Variants in AKNA observed in about 807,000 individuals in gnomAD.
AKNA encodes the protein AT-hook transcription factor.
AKNA carries 67 observed loss-of-function variants against 138.8 expected under a neutral mutation model. The ratio of observed to expected loss-of-function variants is 0.48; its 90% CI spans 0.40 to 0.59. The LOEUF (loss-of-function observed/expected upper bound fraction) is 0.59, where lower values mean the gene tolerates loss of function less well. AKNA is among the 20% of genes least tolerant of loss of function. The pLI is 0.00. For synonymous variants in AKNA, 737 were observed against 754.4 expected (o/e 0.98, Z 0.38); for missense variants, 1,813 against 1,880.4 (o/e 0.96, Z 0.66).
intron 14 of AKNA, among the ~76,000 whole-genome samples, chr9:114,354,515 C>T (rs1485305178): frequency 6.6e-6 from 1 of 152,038 alleles, no homozygotes; most frequent in South Asian, 2.1e-4. Flanking sequence ...AGATCGAGAC[C>T]ATCTTGGCTA....
At position 114,337,013 on chromosome 9, in the gene AKNA, G is replaced by GGGCCCCCCCCCCCCCCCC; in HGVS notation, c.*40_*41insGGGGGGGGGGGGGGGGCC. The GGGCCCCCCCCCCCCCCCC allele has an allele frequency of 3.4e-6, 4 of 1,185,370 alleles. No homozygotes were observed. Among genetic ancestry groups the GGGCCCCCCCCCCCCCCCC allele is most frequent in the South Asian group, 2.5e-5 (1 of 40,612 alleles). The allele number at this position is 1,185,370 out of a possible 1,614,324, so 73.4% of individuals were successfully genotyped here. A position where few individuals can be genotyped will look rare whatever the true frequency, so the allele number is the denominator to read the frequency against. On this transcript the variant is annotated 3_prime_UTR_variant, in exon 22 of 22. Coordinates refer to ENST00000374088, the MANE Select transcript of AKNA (RefSeq NM_001317950.2). ...CCACTCCTGGCCTGGCAGGCCACCT[G>GGGCCCCCCCCCCCCCCCC]CCCACCCACCCACCCATCTGCCTCT...
chr9:114,349,356 A>T (rs990904744), intron 15 of AKNA, among the ~76,000 whole-genome samples: 1 of 152,200 alleles, frequency 6.6e-6, no homozygotes, highest in Admixed American at 6.5e-5. Context: ...GACTAGCCAG[A>T]CAGAACTCTG....
chr9:114,331,942 G>T, downstream of AKNA: 2 of 1,611,366 alleles, frequency 1.2e-6, no homozygotes, highest in Admixed American at 1.7e-5. Flanking sequence ...AAACGCAAGG[G>T]ATTGGACAGT....
chr9:114,337,018 C>G lies in AKNA; in HGVS notation c.*36G>C. On this transcript the variant is annotated 3_prime_UTR_variant, in exon 22 of 22. Coordinates refer to ENST00000374088, the MANE Select transcript of AKNA (RefSeq NM_001317950.2). ...CCTGGCCTGGCAGGCCACCTGCCCACCCACCCACCCATCTGCCTCTGGGCC... is the reference window on the plus strand; with the variant it reads ...CCTGGCCTGGCAGGCCACCTGCCCAGCCACCCACCCATCTGCCTCTGGGCC... 2 of 185,088 alleles carry G rather than the reference C, an allele frequency of 1.1e-5. No homozygotes were observed. The highest frequency in any genetic ancestry group is 2.3e-5 in the Non-Finnish European group (2 of 85,290). 11.5% of individuals were successfully genotyped at this position (185,088 alleles called of 1,614,324 possible).
Position 114,377,214 on chromosome 9 carries a change from G to A in AKNA, c.593C>T (p.Ala198Val), listed in dbSNP as rs1487576141. The A allele has an allele frequency of 2.5e-6, 4 of 1,614,080 alleles. No individual in the cohort carries two copies. The highest frequency in any genetic ancestry group is 2.7e-5 in the African/African-American group (2 of 74,938). The change falls in exon 3 of 22, where the codon GCA (alanine) becomes GTA (valine). Residue 198 changes from alanine to valine, a missense_variant. Coordinates refer to ENST00000374088, the MANE Select transcript of AKNA (RefSeq NM_001317950.2). ...CACTGTCCCACTGCTCCAGGACCTT[G>A]CCGGGCTGAGTTCAACGGATGGGTT... ...EVNPSVELSP[A>V]RSWSSGTVSL...
At chr9:114,364,981 C>T (rs1007190731) in intron 6 of AKNA, among the ~76,000 whole-genome samples, 3 of 152,132 alleles carry the variant, frequency 2.0e-5, no homozygotes, top group Non-Finnish European at 2.9e-5. Flanking sequence ...GGAAGGCACA[C>T]GTGTATGTTC....
intron 15 of AKNA, 48 bp downstream of exon 15, chr9:114,350,811 C>A: frequency 6.6e-7 from 1 of 1,509,266 alleles, no homozygotes; most frequent in Non-Finnish European, 8.9e-7. Context: ...ATCACGCTCC[C>A]GTCTGTATGA....
At chr9:114,333,292 C>G (rs1829892986), downstream of AKNA, 2 of 1,278,472 alleles carry the variant, frequency 1.6e-6, no homozygotes, top group Non-Finnish European at 2.2e-6. Context: ...CATTCTGAAG[C>G]CTGCCCTGAG....
upstream of AKNA, among the ~76,000 whole-genome samples, chr9:114,392,741 G>C (rs1238220441): frequency 6.6e-6 from 1 of 152,132 alleles, no homozygotes; most frequent in Non-Finnish European, 1.5e-5. Context: ...ATGAGTCCTG[G>C]ACACAAAAAG....
chr9:114,331,315 C>A (rs1481478189), downstream of AKNA, among the ~76,000 whole-genome samples: 2 of 152,094 alleles, frequency 1.3e-5, no homozygotes, highest in Non-Finnish European at 2.9e-5. Context: ...GCCTCATTTT[C>A]CTCCTCTGTA....
rs1241050799 is a variant in AKNA at position 114,367,472 on chromosome 9, CA to C, written c.1728+70del. On this transcript the variant is annotated intron_variant, in intron 6 of 21. Transcript: ENST00000374088. ...TGAGACTCCCAGAGTGCCTCTCACC[CA>C]AGCAGGCAGAGGTTCTGTGTTCTCC... 30 of 1,560,188 alleles carry C rather than the reference CA, an allele frequency of 1.9e-5. No homozygotes were observed. The Admixed American group carries it at 5.2e-4, about 27-fold the overall frequency.
intron 1 of AKNA, among the ~76,000 whole-genome samples, chr9:114,382,271 A>G (rs1377597736): frequency 6.6e-6 from 1 of 152,074 alleles, no homozygotes; most frequent in East Asian, 1.9e-4. Flanking sequence ...AAGAATTCAG[A>G]TTGAGAGGTG....
chr9:114,384,557 G>A (rs1301244052), intron 1 of AKNA, among the ~76,000 whole-genome samples: 1 of 152,196 alleles, frequency 6.6e-6, no homozygotes, highest in Non-Finnish European at 1.5e-5. Context: ...TCCTCAATGT[G>A]AAGATGACAA....
chr9:114,396,295 C>T (rs978048340), upstream of AKNA, among the ~76,000 whole-genome samples: 3 of 152,158 alleles, frequency 2.0e-5, no homozygotes, highest in Admixed American at 1.3e-4. Context: ...TGTCATTATT[C>T]CTTCCTTTCT....
At chr9:114,351,970 A>G (rs1271443) in intron 14 of AKNA, among the ~76,000 whole-genome samples, 5,553 of 152,348 alleles carry the variant, frequency 0.036, 353 homozygotes, top group African/African-American at 0.13. Flanking sequence ...TGAAAAGCCA[A>G]TCCCAAAAGG....
chr9:114,341,843 G>T, intron 20 of AKNA, 118 bp from the exon 21 acceptor site: 2 of 1,341,620 alleles, frequency 1.5e-6, no homozygotes, highest in Non-Finnish European at 2.1e-6. Context: ...TACCCTGTGA[G>T]ACTCCATGTC....
intron 6 of AKNA, 109 bp from the exon 7 acceptor site, chr9:114,364,728 T>A (rs1424626460): frequency 8.6e-7 from 1 of 1,166,188 alleles, no homozygotes; most frequent in Admixed American, 1.8e-5. Context: ...GTCCTCAGGA[T>A]GTGGGGTTTC....
chr9:114,336,691 A>G lies in AKNA; in HGVS notation c.*363T>C. ...CTAAAGAGGACCCAAGATCAGGAAA[A>G]CTCCCCAGTTTAAAAAAATATCTGT... is the stretch of plus-strand genomic sequence containing the variant. On this transcript the variant is annotated 3_prime_UTR_variant, in exon 22 of 22. Coordinates refer to ENST00000374088, the MANE Select transcript of AKNA (RefSeq NM_001317950.2). The G allele has an allele frequency of 4.5e-6, 1 of 221,600 alleles. No individual in the cohort carries two copies. Among genetic ancestry groups the G allele is most frequent in the Middle Eastern group, 1.3e-3 (1 of 750 alleles). The allele number at this position is 221,600 out of a possible 1,614,324, so 13.7% of individuals were successfully genotyped here.
intron 3 of AKNA, 125 bp downstream of exon 3, chr9:114,376,341 C>T: frequency 2.0e-6 from 2 of 993,900 alleles, no homozygotes; most frequent in Non-Finnish European, 3.1e-6. Context: ...CCACCCCAGC[C>T]AGGCTCTATC....
Sources: gnomAD v4.1 joint callset for allele counts (sites outside exome capture counted in the v4.1 genomes callset) on GRCh38, gnomAD v4.1.1 for gene constraint, MANE v1.5 for transcripts, NCBI Gene and HGNC (gene_info 2026-07-23, HGNC 2026-07-21) for gene names.